FYB2: variants seen among roughly 807,000 people sequenced by gnomAD.
The protein encoded by FYB2 is FYN binding protein 2.
In FYB2, 103 loss-of-function variants were observed where a neutral mutation model predicts 94.1. That is an observed-to-expected ratio of 1.09 (90% CI 0.93 to 1.29). FYB2 has a LOEUF of 1.29. FYB2 is among the 50% of genes most tolerant of loss of function. The pLI, the probability that FYB2 is intolerant of heterozygous loss-of-function variation, is 0.00. For synonymous variants in FYB2, 293 were observed against 287.9 expected (o/e 1.02, Z -0.18); for missense variants, 896 against 841.5 (o/e 1.06, Z -0.80).
intron 1 of FYB2, among the ~76,000 whole-genome samples, chr1:56,807,499 T>C (rs947639): frequency 0.77 from 117,430 of 152,090 alleles, 45,488 homozygotes; most frequent in Middle Eastern, 0.86. Flanking sequence ...GACCCTATTT[T>C]TCCAATACTA....
Position 56,723,645 on chromosome 1 carries a change from T to C in FYB2, c.1917A>G (p.Gln639=), listed in dbSNP as rs2100489466. Residue 639 remains glutamine, a synonymous_variant, in exon 17 of 20, where the codon CAA becomes CAG. Coordinates refer to ENST00000343433, the MANE Select transcript of FYB2 (RefSeq NM_001004303.5). The part of the protein sequence containing the change: ...SPRNFFKTKK[Q]NLEKNRMKRE... ...TTTTCATTCTGTTCTTTTCTAAGTT[T>C]TGCTTCTTGGTTTTGAAGAAATTTC... 1 of 1,573,478 alleles carries C rather than the reference T, an allele frequency of 6.4e-7. No individual in the cohort carries two copies. The highest frequency in any genetic ancestry group is 2.3e-5 in the East Asian group (1 of 44,334).
chr1:56,800,816 G>A (rs1381410729), intron 1 of FYB2, among the ~76,000 whole-genome samples: 1 of 152,086 alleles, frequency 6.6e-6, no homozygotes, highest in East Asian at 1.9e-4. Context: ...AGCAAAGGCA[G>A]CCCAGAGTCT....
At chr1:56,723,034 G>A (rs778577209) in intron 17 of FYB2, among the ~76,000 whole-genome samples, 10 of 152,038 alleles carry the variant, frequency 6.6e-5, no homozygotes, top group South Asian at 2.1e-4. Context: ...AGAGAGCTTC[G>A]GATGCTGCAT....
Position 56,751,099 on chromosome 1 carries a change from G to C in FYB2, c.1332C>G (p.Ile444Met). Residue 444 changes from isoleucine to methionine, a missense_variant, in exon 9 of 20, where the codon ATC becomes ATG. Physicochemically the swap from Ile to Met is conservative, Grantham distance 10 (BLOSUM62 1). Coordinates refer to ENST00000343433, the MANE Select transcript of FYB2 (RefSeq NM_001004303.5). ...AGKQEAMIDI[I>M]QTNPCPEGPK... is the part of the protein sequence containing the mutation. ...GGCCCTCAGGGCAGGGATTTGTCTG[G>C]ATGATGTCAATCATGGCCTCTTGCT... 2 of 1,612,890 alleles carry C rather than the reference G, an allele frequency of 1.2e-6. No individual in the cohort carries two copies. The highest frequency in any genetic ancestry group is 1.7e-6 in the Non-Finnish European group (2 of 1,179,262).
chr1:56,725,117 C>T (rs967208338), intron 16 of FYB2, among the ~76,000 whole-genome samples: 5 of 152,004 alleles, frequency 3.3e-5, no homozygotes, highest in African/African-American at 9.7e-5. Context: ...AAGCAGATGC[C>T]AATGTCATGC....
At chr1:56,761,371 A>G (rs556104721) in intron 5 of FYB2, among the ~76,000 whole-genome samples, 11 of 152,216 alleles carry the variant, frequency 7.2e-5, no homozygotes, top group Non-Finnish European at 1.5e-4. Flanking sequence ...CAGCCAGACA[A>G]GTGAAGTAAA....
At chr1:56,760,275 A>G (rs951530999) in intron 5 of FYB2, among the ~76,000 whole-genome samples, 1 of 152,158 alleles carries the variant, frequency 6.6e-6, no homozygotes, top group African/African-American at 2.4e-5. Flanking sequence ...TCTTGCTGCT[A>G]AAGTCCTGAA....
intron 4 of FYB2, among the ~76,000 whole-genome samples, chr1:56,773,587 G>A (rs774997586): frequency 1.3e-5 from 2 of 152,110 alleles, no homozygotes; most frequent in African/African-American, 2.4e-5. Flanking sequence ...CCTGACAGGC[G>A]AGTTTCCTTT....
chr1:56,780,846 T>C (rs1645992126), intron 4 of FYB2, among the ~76,000 whole-genome samples: 1 of 152,202 alleles, frequency 6.6e-6, no homozygotes, highest in Non-Finnish European at 1.5e-5. Flanking sequence ...TAAAAAGGGA[T>C]AATAAGAAAT....
intron 1 of FYB2, among the ~76,000 whole-genome samples, chr1:56,808,571 G>A (rs79412117): frequency 0.017 from 2,631 of 152,242 alleles, 94 homozygotes; most frequent in African/African-American, 0.06. Context: ...CCTGGCACCA[G>A]CTCCCAATTT....
At chr1:56,753,135 G>A (rs180840919) in intron 8 of FYB2, among the ~76,000 whole-genome samples, 25 of 152,150 alleles carry the variant, frequency 1.6e-4, no homozygotes, top group Non-Finnish European at 1.5e-4. Flanking sequence ...AGATGGGACT[G>A]GGACAACTGC....
intron 4 of FYB2, among the ~76,000 whole-genome samples, chr1:56,770,839 T>C (rs1050636134): frequency 6.6e-6 from 1 of 152,164 alleles, no homozygotes; most frequent in Non-Finnish European, 1.5e-5. Context: ...ATTCCAGTCA[T>C]CACTGAAGAG....
intron 1 of FYB2, among the ~76,000 whole-genome samples, chr1:56,816,717 ACCTATGTAGACCC>A (rs1461741650): frequency 3.3e-5 from 5 of 151,996 alleles, no homozygotes; most frequent in Non-Finnish European, 5.9e-5. Context: ...CTCTAAACCC[ACCTATGTAGACCC>A]CCTAAACATA....
At chr1:56,797,572 G>A (rs902520524) in intron 1 of FYB2, among the ~76,000 whole-genome samples, 1 of 152,100 alleles carries the variant, frequency 6.6e-6, no homozygotes, top group Non-Finnish European at 1.5e-5. Flanking sequence ...TGGTAAATGA[G>A]GCCCTGAGGG....
intron 1 of FYB2, among the ~76,000 whole-genome samples, chr1:56,816,080 A>G (rs1891414): frequency 6.6e-6 from 1 of 152,208 alleles, no homozygotes; most frequent in African/African-American, 2.4e-5. Flanking sequence ...AAGGATATAT[A>G]TAATTGTCCT....
chr1:56,819,220 A>G, intron 1 of FYB2, 62 bp downstream of exon 1: 1 of 1,609,980 alleles, frequency 6.2e-7, no homozygotes, highest in Non-Finnish European at 8.5e-7. Flanking sequence ...CTCAAGTGGG[A>G]GGAACTTGTC....
intron 4 of FYB2, among the ~76,000 whole-genome samples, chr1:56,775,137 T>G (rs1303908531): frequency 6.6e-6 from 1 of 152,140 alleles, no homozygotes; most frequent in Non-Finnish European, 1.5e-5. Flanking sequence ...TAATCTCTCG[T>G]TTATATATAC....
chr1:56,768,640 T>C (rs1257595894), intron 4 of FYB2, among the ~76,000 whole-genome samples: 1 of 152,152 alleles, frequency 6.6e-6, no homozygotes, highest in Non-Finnish European at 1.5e-5. Flanking sequence ...AATCTGAAAT[T>C]ATTCTGTAAA....
upstream of FYB2, among the ~76,000 whole-genome samples, chr1:56,819,908 T>C (rs927285343): frequency 3.3e-5 from 5 of 152,146 alleles, no homozygotes; most frequent in Admixed American, 3.3e-4. Flanking sequence ...CTGGTGTTTA[T>C]TGAGGCATTT....
Sources: gnomAD v4.1 joint callset for allele counts (sites outside exome capture counted in the v4.1 genomes callset) on GRCh38, gnomAD v4.1.1 for gene constraint, MANE v1.5 for transcripts, NCBI Gene and HGNC (gene_info 2026-07-23, HGNC 2026-07-21) for gene names.